CLTC: variants seen among roughly 807,000 people sequenced by gnomAD.
CLTC encodes the protein clathrin heavy chain 1.
A neutral mutation model predicts 195.8 loss-of-function variants in CLTC; 16 were observed. The ratio of observed to expected loss-of-function variants is 0.08; its 90% CI spans 0.06 to 0.12. The LOEUF (loss-of-function observed/expected upper bound fraction) is 0.12, where lower values mean the gene tolerates loss of function less well. Among genes scored for constraint, CLTC ranks in the 10% least tolerant of loss-of-function variants. The pLI is 1.00. For missense variants in CLTC, 796 were observed against 2,027.0 expected (o/e 0.39, Z 11.66); for synonymous variants, 667 against 689.4 (o/e 0.97, Z 0.51).
intron 7 of CLTC, among the ~76,000 whole-genome samples, chr17:59,661,088 A>C (rs1454325921): frequency 1.3e-5 from 2 of 152,230 alleles, no homozygotes; most frequent in African/African-American, 4.8e-5. Flanking sequence ...TGAACTTGGG[A>C]TAATACTTAG....
At chr17:59,644,572 C>T (rs575614876) in intron 2 of CLTC, 89 bp downstream of exon 2, 51 of 1,046,938 alleles carry the variant, frequency 4.9e-5, no homozygotes, top group South Asian at 3.2e-4. Flanking sequence ...GTTTTTGAGA[C>T]GGAGTTTTAC....
chr17:59,658,685 G>A (rs935615489), intron 6 of CLTC: 1 of 152,166 alleles, frequency 6.6e-6, no homozygotes, highest in African/African-American at 2.4e-5. Flanking sequence ...AGAAGACACT[G>A]GAGCCTTTTC....
chr17:59,680,265 C>T (rs908758276), intron 18 of CLTC, among the ~76,000 whole-genome samples: 1 of 152,010 alleles, frequency 6.6e-6, no homozygotes, highest in African/African-American at 2.4e-5. Context: ...CCAAGTGCAT[C>T]AGTGTTATAT....
intron 1 of CLTC, among the ~76,000 whole-genome samples, chr17:59,628,665 A>G (rs1051564732): frequency 3.3e-5 from 5 of 152,112 alleles, no homozygotes; most frequent in African/African-American, 1.2e-4. Context: ...AGAAGACGAA[A>G]AAACGAGAAT....
At chr17:59,671,173 C>G (rs2032839900) in intron 14 of CLTC, 1 of 152,122 alleles carries the variant, frequency 6.6e-6, no homozygotes. Flanking sequence ...TTGTACTTGA[C>G]TCTTTGAAGG....
intron 6 of CLTC, among the ~76,000 whole-genome samples, chr17:59,659,165 T>A (rs1393331871): frequency 2.0e-5 from 3 of 152,154 alleles, no homozygotes; most frequent in Non-Finnish European, 2.9e-5. Flanking sequence ...GAACAGTAAC[T>A]GAGAAAAAAT....
rs757552844 is a variant in CLTC, at chr17:59,674,742, T to C, written c.2460T>C (p.Leu820=). Residue 820 remains leucine (L), a synonymous_variant, in exon 16 of 32, where the codon CTT becomes CTC. Transcript: ENST00000269122. Reference sequence around the variant, plus strand: ...TTCCTGTAGTTATTGGAGGATTACTTGATGTTGACTGTTCTGAAGATGTCA... The same window carrying C: ...TTCCTGTAGTTATTGGAGGATTACTCGATGTTGACTGTTCTGAAGATGTCA... ...SRLPVVIGGL[L]DVDCSEDVIK... 1 of 1,613,278 alleles carries C rather than the reference T, an allele frequency of 6.2e-7. No homozygotes were observed. The highest frequency in any genetic ancestry group is 8.5e-7 in the Non-Finnish European group (1 of 1,179,536).
intron 1 of CLTC, among the ~76,000 whole-genome samples, chr17:59,640,849 C>T (rs1442217594): frequency 2.6e-5 from 4 of 151,618 alleles, no homozygotes; most frequent in Admixed American, 6.6e-5. Context: ...GGCTGGACGC[C>T]GTGGCTCATG....
At chr17:59,641,141 A>C (rs2032019808) in intron 1 of CLTC, among the ~76,000 whole-genome samples, 1 of 151,510 alleles carries the variant, frequency 6.6e-6, no homozygotes, top group South Asian at 2.1e-4. Context: ...AAAAACTTGC[A>C]ACTTCAGAAT....
At chr17:59,629,163 C>T (rs2143449731) in intron 1 of CLTC, among the ~76,000 whole-genome samples, 1 of 152,304 alleles carries the variant, frequency 6.6e-6, no homozygotes, top group South Asian at 2.1e-4. Flanking sequence ...AAAAACCCAT[C>T]TCTTTCTCCA....
Position 59,693,966 on chromosome 17 carries a change from T to C in CLTC, c.*114T>C. ...ACGTGTTCTTGTAACCTTTATTTCA[T>C]GAAGGACTTCTTTTTGTTTCTAACT... On this transcript the variant is annotated 3_prime_UTR_variant, in exon 32 of 32. Coordinates refer to ENST00000269122, the MANE Select transcript of CLTC (RefSeq NM_004859.4). 2 of 1,121,382 alleles carry C rather than the reference T, an allele frequency of 1.8e-6. No individual in the cohort carries two copies. Among genetic ancestry groups the C allele is most frequent in the Non-Finnish European group, 2.4e-6 (2 of 836,048 alleles). The allele number at this position is 1,121,382 out of a possible 1,614,324, so 69.5% of individuals were successfully genotyped here.
chr17:59,630,162 A>G (rs2143452788), intron 1 of CLTC, among the ~76,000 whole-genome samples: 1 of 152,184 alleles, frequency 6.6e-6, no homozygotes, highest in South Asian at 2.1e-4. Flanking sequence ...CACCACACCC[A>G]GCCAATTTTT....
intron 14 of CLTC, 92 bp from the exon 15 acceptor site, chr17:59,673,555 C>G (rs1002818923): frequency 4.3e-6 from 4 of 925,570 alleles, no homozygotes; most frequent in Non-Finnish European, 5.0e-6. Flanking sequence ...GTGAGCCTCT[C>G]TTGTTAGCGT....
chr17:59,644,546 T>TTTTGG (rs1555603002), intron 2 of CLTC, 63 bp downstream of exon 2: 24 of 934,266 alleles, frequency 2.6e-5, no homozygotes, highest in Middle Eastern at 2.4e-4. Flanking sequence ...TTTGTTTTTT[T>TTTTGG]TTTGTTTGTT....
chr17:59,645,844 T>C (rs1283519477), intron 2 of CLTC, among the ~76,000 whole-genome samples: 3 of 104,820 alleles, frequency 2.9e-5, no homozygotes, highest in Non-Finnish European at 6.3e-5. Flanking sequence ...CTATTACTTC[T>C]ATTTAGGGTA....
Position 59,664,808 on chromosome 17 carries a change from A to G in CLTC, c.1543A>G (p.Ile515Val). ...ATAGGTTGGATACACTCCAGATTGG[A>G]TATTTCTGCTGAGAAATGTAATGCG... ...AKKVGYTPDWIFLLRNVMRIS... is the reference protein window; with the variant it reads ...AKKVGYTPDWVFLLRNVMRIS... The change falls in exon 10 of 32, where the codon ATA (isoleucine) becomes GTA (valine). Residue 515 changes from isoleucine (I) to valine (V), a missense_variant. Transcript: ENST00000269122. The G allele has an allele frequency of 6.2e-7, 1 of 1,614,076 alleles. No homozygotes were observed. The highest frequency in any genetic ancestry group is 8.5e-7 in the Non-Finnish European group (1 of 1,179,960).
chr17:59,631,740 G>GT, intron 1 of CLTC, among the ~76,000 whole-genome samples: 1 of 152,114 alleles, frequency 6.6e-6, no homozygotes, highest in East Asian at 1.9e-4. Context: ...GGAGGCCAGA[G>GT]TAGGTGGATT....
In CLTC at chr17:59,621,853, T is replaced by C. The variant is rs140816819; in HGVS notation, c.42+1680T>C. On this transcript the variant is annotated intron_variant, in intron 1 of 31. Transcript: ENST00000269122. ...AGAGTTGAGGGGTGCTGTTCTTAAG[T>C]GTGAGGGGAAAACGCGGGCTTATTT... is the stretch of plus-strand genomic sequence containing the variant. 5.2e-4 allele frequency among the ~76,000 whole-genome samples: 79 copies of C among 152,208 alleles called. 2 individuals carry two copies. In the East Asian group the frequency reaches 0.014, roughly 26 times the overall value.
At chr17:59,657,695 G>A (rs1054150889) in intron 6 of CLTC, among the ~76,000 whole-genome samples, 2 of 150,974 alleles carry the variant, frequency 1.3e-5, no homozygotes, top group Non-Finnish European at 2.9e-5. Context: ...TTGAACCTGG[G>A]AGGCGGAGGT....
Sources: allele counts gnomAD v4.1 joint callset (sites outside exome capture counted in the v4.1 genomes callset), GRCh38; gene constraint gnomAD v4.1.1; transcripts MANE v1.5; gene names NCBI Gene and HGNC (gene_info 2026-07-23, HGNC 2026-07-21).